The following GRID1 variants were observed in gnomAD, a reference collection of about 807,000 sequenced individuals.
GRID1 encodes glutamate receptor ionotropic, delta-1.
GRID1 carries 28 observed loss-of-function variants against 98.0 expected under a neutral mutation model. The observed-to-expected ratio is 0.29, with a 90% CI of 0.21 to 0.39. The LOEUF is 0.39. GRID1 is among the 10% of genes least tolerant of loss of function. The pLI is 1.00. For synonymous variants in GRID1, 553 were observed against 538.5 expected, an observed-to-expected ratio of 1.03 and a Z score of -0.37; for missense variants, 1,111 against 1,340.5, an observed-to-expected ratio of 0.83 and a Z score of 2.67.
chr10:86,286,574 G>A (rs374615659), intron 2 of GRID1, among the ~76,000 whole-genome samples: 5 of 152,210 alleles, frequency 3.3e-5, no homozygotes, highest in African/African-American at 4.8e-5. Context: ...TGGCTTCTCC[G>A]TGGCATCACG....
rs190580325 is a variant in GRID1 at position 86,177,798 on chromosome 10, A to G, written c.520+28566T>C. On this transcript the variant is annotated intron_variant, in intron 3 of 15. Transcript: ENST00000327946. ...TGTGCATGCATTACAGAGAAACAGA[A>G]ATAGAGACTTTAGCGTATGCACGCG... Among the ~76,000 whole-genome samples the G allele has an allele frequency of 3.2e-3, 491 of 151,914 alleles. 4 individuals are homozygous for G. Among genetic ancestry groups the G allele is most frequent in the African/African-American group, 0.011 (469 of 41,340 alleles).
intron 2 of GRID1, among the ~76,000 whole-genome samples, chr10:86,269,824 A>G (rs1447539533): frequency 3.9e-5 from 6 of 152,098 alleles, no homozygotes; most frequent in Non-Finnish European, 7.4e-5. Flanking sequence ...ACATTTATTG[A>G]CCATCGCCTA....
intron 14 of GRID1, among the ~76,000 whole-genome samples, chr10:85,614,030 G>C (rs896737751): frequency 6.6e-6 from 1 of 152,204 alleles, no homozygotes; most frequent in Admixed American, 6.5e-5. Flanking sequence ...GGATATTCCT[G>C]ATCATGAAAA....
chr10:86,083,161 T>A (rs746069247), intron 4 of GRID1, among the ~76,000 whole-genome samples: 1 of 152,230 alleles, frequency 6.6e-6, no homozygotes, highest in Non-Finnish European at 1.5e-5. Context: ...GAACTTGGAA[T>A]TCAAAGCAGC....
At chr10:85,863,328 G>A (rs369636856) in intron 6 of GRID1, among the ~76,000 whole-genome samples, 6 of 152,138 alleles carry the variant, frequency 3.9e-5, no homozygotes, top group African/African-American at 1.2e-4. Context: ...ATATGGGCAC[G>A]AATCCCATTT....
At chr10:85,633,574 C>T (rs931520226) in intron 13 of GRID1, among the ~76,000 whole-genome samples, 1 of 152,150 alleles carries the variant, frequency 6.6e-6, no homozygotes, top group Non-Finnish European at 1.5e-5. Context: ...GATAGAGAAG[C>T]AAAATTGCAT....
At chr10:85,822,561 G>A (rs964835979) in intron 8 of GRID1, among the ~76,000 whole-genome samples, 26 of 152,196 alleles carry the variant, frequency 1.7e-4, no homozygotes, top group Non-Finnish European at 2.5e-4. Context: ...AGGATGTGGA[G>A]AAATAGGAAC....
chr10:86,043,013 AG>A (rs1199697785), intron 4 of GRID1, among the ~76,000 whole-genome samples: 2 of 151,728 alleles, frequency 1.3e-5, no homozygotes. Context: ...TGAGCCAGTG[AG>A]GTCAAGGCAG....
At chr10:85,785,450 G>A (rs1842419542) in intron 8 of GRID1, among the ~76,000 whole-genome samples, 1 of 152,210 alleles carries the variant, frequency 6.6e-6, no homozygotes, top group South Asian at 2.1e-4. Flanking sequence ...GTGGGGACTA[G>A]GAAGGGGCTT....
At chr10:86,256,527 G>C (rs1298295256) in intron 2 of GRID1, among the ~76,000 whole-genome samples, 1 of 152,076 alleles carries the variant, frequency 6.6e-6, no homozygotes, top group African/African-American at 2.4e-5. Context: ...CACCCTGTTG[G>C]CAAGAGGGTC....
At chr10:85,957,617 A>C (rs1440689525) in intron 4 of GRID1, among the ~76,000 whole-genome samples, 3 of 152,212 alleles carry the variant, frequency 2.0e-5, no homozygotes, top group African/African-American at 7.2e-5. Flanking sequence ...AAAATGCAGA[A>C]AAGAGAGTCT....
intron 8 of GRID1, among the ~76,000 whole-genome samples, chr10:85,729,909 G>A (rs192050753): frequency 2.0e-5 from 3 of 152,182 alleles, no homozygotes; most frequent in African/African-American, 7.2e-5. Flanking sequence ...GTTTTATTCT[G>A]TTCACCCACA....
At chr10:85,613,874 C>A (rs930733997) in intron 14 of GRID1, among the ~76,000 whole-genome samples, 2 of 152,248 alleles carry the variant, frequency 1.3e-5, no homozygotes, top group Admixed American at 1.3e-4. Flanking sequence ...AACAGCCCCT[C>A]TGCCCTCTCC....
intron 12 of GRID1, among the ~76,000 whole-genome samples, chr10:85,687,831 A>G (rs1213190404): frequency 6.6e-6 from 1 of 152,156 alleles, no homozygotes; most frequent in East Asian, 1.9e-4. Context: ...AAACAAACAA[A>G]CAAATTGAGG....
intron 4 of GRID1, among the ~76,000 whole-genome samples, chr10:86,013,624 T>C (rs1842945357): frequency 1.3e-5 from 2 of 152,224 alleles, no homozygotes; most frequent in South Asian, 2.1e-4. Context: ...CAGATAGCTA[T>C]AGCAATAAAC....
intron 4 of GRID1, among the ~76,000 whole-genome samples, chr10:85,946,023 G>C (rs1298729821): frequency 1.3e-5 from 2 of 152,194 alleles, no homozygotes; most frequent in African/African-American, 4.8e-5. Context: ...TTTTAGAAGA[G>C]TATCTGCCAG....
At chr10:86,239,753 G>A (rs1445463912) in intron 2 of GRID1, among the ~76,000 whole-genome samples, 6 of 152,150 alleles carry the variant, frequency 3.9e-5, no homozygotes, top group Non-Finnish European at 5.9e-5. Context: ...CTTCCACCAC[G>A]ATTGTACGTT....
intron 5 of GRID1, among the ~76,000 whole-genome samples, chr10:85,888,114 T>C (rs1031330596): frequency 6.6e-6 from 1 of 152,226 alleles, no homozygotes; most frequent in African/African-American, 2.4e-5. Context: ...AATTCTGTTA[T>C]GAAATAAATG....
intron 2 of GRID1, among the ~76,000 whole-genome samples, chr10:86,339,185 T>C (rs1300431805): frequency 6.6e-6 from 1 of 152,188 alleles, no homozygotes; most frequent in African/African-American, 2.4e-5. Context: ...ACAAATGCTC[T>C]CTGCCCTGCC....
Sources: allele counts gnomAD v4.1 joint callset (sites outside exome capture counted in the v4.1 genomes callset), GRCh38; gene constraint gnomAD v4.1.1; transcripts MANE v1.5; gene names NCBI Gene and HGNC (gene_info 2026-07-23, HGNC 2026-07-21).